Variants in LIN52 observed in about 807,000 individuals in gnomAD.
LIN52 encodes the protein protein lin-52 homolog.
In LIN52, 4 loss-of-function variants were observed where a neutral mutation model predicts 18.5. The ratio of observed to expected loss-of-function variants is 0.22; its 90% CI spans 0.11 to 0.49. The LOEUF (loss-of-function observed/expected upper bound fraction) is 0.49, where lower values mean the gene tolerates loss of function less well. Ranked by LOEUF, LIN52 falls within the 20% of genes least tolerant of loss-of-function variation. The pLI is 0.97. For missense variants in LIN52, 102 were observed against 139.5 expected, an observed-to-expected ratio of 0.73 and a Z score of 1.35; for synonymous variants, 34 against 45.5, an observed-to-expected ratio of 0.75 and a Z score of 1.02.
chr14:74,101,760 G>A (rs932009126), intron 5 of LIN52, among the ~76,000 whole-genome samples: 3 of 152,034 alleles, frequency 2.0e-5, no homozygotes, highest in Admixed American at 6.6e-5. Context: ...GCGCCCGGCC[G>A]ATTTTTCTTT....
chr14:74,159,371 A>G (rs1424249904), intron 5 of LIN52, among the ~76,000 whole-genome samples: 1 of 152,168 alleles, frequency 6.6e-6, no homozygotes, highest in African/African-American at 2.4e-5. Context: ...ACCTTCATTC[A>G]GCAAAATATC....
At chr14:74,141,638 TA>T (rs532098564) in intron 5 of LIN52, among the ~76,000 whole-genome samples, 35 of 152,314 alleles carry the variant, frequency 2.3e-4, no homozygotes, top group African/African-American at 3.6e-4. Context: ...GTAAAGCTTT[TA>T]GGGGGGAGGT....
At chr14:74,181,073 A>G (rs1422916909) in intron 5 of LIN52, among the ~76,000 whole-genome samples, 1 of 145,628 alleles carries the variant, frequency 6.9e-6, no homozygotes, top group Non-Finnish European at 1.5e-5. Flanking sequence ...ATGCCACTGC[A>G]CTCTAGCCTG....
intron 5 of LIN52, among the ~76,000 whole-genome samples, chr14:74,180,501 A>T (rs2358632): frequency 6.6e-6 from 1 of 151,548 alleles, no homozygotes; most frequent in East Asian, 2.0e-4. Flanking sequence ...CTCGTGATCC[A>T]CTCGCCTCGG....
At chr14:74,087,423 A>G (rs1455819127) in intron 1 of LIN52, among the ~76,000 whole-genome samples, 2 of 141,916 alleles carry the variant, frequency 1.4e-5, no homozygotes, top group Non-Finnish European at 1.5e-5. Context: ...CAAAAAAAAA[A>G]AAAAAAAAAA....
At chr14:74,131,813 G>A (rs2061069720) in intron 5 of LIN52, among the ~76,000 whole-genome samples, 1 of 152,090 alleles carries the variant, frequency 6.6e-6, no homozygotes, top group Non-Finnish European at 1.5e-5. Context: ...TTAAAGATGA[G>A]GAAACTAAGA....
chr14:74,156,331 A>G (rs556696821), intron 5 of LIN52, among the ~76,000 whole-genome samples: 50 of 152,292 alleles, frequency 3.3e-4, no homozygotes, highest in African/African-American at 1.1e-3. Flanking sequence ...CCTTTTTTAC[A>G]TGTCAATCTA....
At chr14:74,129,273 A>C (rs889815648) in intron 5 of LIN52, among the ~76,000 whole-genome samples, 1 of 152,184 alleles carries the variant, frequency 6.6e-6, no homozygotes, top group Non-Finnish European at 1.5e-5. Flanking sequence ...TAGACTTAAT[A>C]TATATTTAAA....
intron 5 of LIN52, among the ~76,000 whole-genome samples, chr14:74,180,043 A>G (rs980227562): frequency 1.5e-4 from 23 of 152,148 alleles, no homozygotes; most frequent in Non-Finnish European, 1.5e-5. Context: ...CAAGTACCAC[A>G]CTCTGAGAAC....
At chr14:74,175,020 A>AAATAATAATAATAATAATAAT (rs141936961) in intron 5 of LIN52, among the ~76,000 whole-genome samples, 21,577 of 140,676 alleles carry the variant, frequency 0.15, 1,894 homozygotes, top group Admixed American at 0.21. Context: ...GACTCAAAGA[A>AAATAATAATAATAATAATAAT]AATAATAATA....
chr14:74,134,740 CCTTAT>C (rs2139943764), intron 5 of LIN52, among the ~76,000 whole-genome samples: 1 of 152,230 alleles, frequency 6.6e-6, no homozygotes, highest in Non-Finnish European at 1.5e-5. Flanking sequence ...ACTACATCTG[CCTTAT>C]CTTAATTCTC....
intron 3 of LIN52, among the ~76,000 whole-genome samples, chr14:74,096,698 T>C (rs777249692): frequency 6.6e-6 from 1 of 152,118 alleles, no homozygotes; most frequent in African/African-American, 2.4e-5. Context: ...AACATGCAGC[T>C]ATGGAGCTCT....
At chr14:74,113,264 C>T (rs544116596) in intron 5 of LIN52, among the ~76,000 whole-genome samples, 22 of 152,078 alleles carry the variant, frequency 1.4e-4, no homozygotes, top group African/African-American at 2.2e-4. Context: ...TGGTGGCGGG[C>T]GCCTGTAATC....
At position 74,084,993 on chromosome 14, in the gene LIN52, G is replaced by C; in HGVS notation, c.19G>C (p.Gly7Arg). The change falls in exon 1 of 6, where the codon GGG becomes CGG. Residue 7 changes from glycine to arginine, a missense_variant and splice_region_variant. Transcript: ENST00000555028. ...TTGGAAGATGGCGTCTCCCACAGACGGTAAGAGCCGGCTTAGAGATCTTTG... is the reference window on the plus strand; with the variant it reads ...TTGGAAGATGGCGTCTCCCACAGACCGTAAGAGCCGGCTTAGAGATCTTTG... MASPTD[G>R]TDLEASLLSF... is the part of the protein sequence containing the mutation. 2.1e-6 allele frequency: 3 copies of C among 1,409,320 alleles called. No homozygotes were observed. Among genetic ancestry groups the C allele is most frequent in the Non-Finnish European group, 2.8e-6 (3 of 1,075,170 alleles). 87.3% of individuals were successfully genotyped at this position (1,409,320 alleles called of 1,614,324 possible).
intron 5 of LIN52, among the ~76,000 whole-genome samples, chr14:74,183,600 A>G (rs894522399): frequency 6.6e-6 from 1 of 152,142 alleles, no homozygotes; most frequent in African/African-American, 2.4e-5. Context: ...TCTTTTTATT[A>G]TAGAAAATTT....
At chr14:74,195,732 C>T (rs557302948) in intron 5 of LIN52, among the ~76,000 whole-genome samples, 2 of 152,056 alleles carry the variant, frequency 1.3e-5, no homozygotes, top group East Asian at 1.9e-4. Context: ...AAATTAAAAG[C>T]GCAGTTGGCA....
intron 5 of LIN52, among the ~76,000 whole-genome samples, chr14:74,145,888 A>G (rs2061151001): frequency 6.6e-6 from 1 of 152,110 alleles, no homozygotes. Context: ...GACTACCAAT[A>G]TTTGGAAAGA....
chr14:74,124,429 T>C (rs184477580), intron 5 of LIN52, among the ~76,000 whole-genome samples: 6 of 152,314 alleles, frequency 3.9e-5, no homozygotes, highest in Admixed American at 3.9e-4. Context: ...GTGAATTTAA[T>C]ATAATTCAAA....
At chr14:74,129,597 A>G (rs1245287267) in intron 5 of LIN52, among the ~76,000 whole-genome samples, 1 of 152,300 alleles carries the variant, frequency 6.6e-6, no homozygotes, top group East Asian at 1.9e-4. Context: ...TCACACCTGT[A>G]ATCCCAACAC....
Sources: gnomAD v4.1 joint callset for allele counts (sites outside exome capture counted in the v4.1 genomes callset) on GRCh38, gnomAD v4.1.1 for gene constraint, MANE v1.5 for transcripts, NCBI Gene and HGNC (gene_info 2026-07-23, HGNC 2026-07-21) for gene names.